NFIB: variants seen among roughly 807,000 people sequenced by gnomAD.
NFIB encodes nuclear factor I B, also known as nuclear factor 1 B-type.
Under a neutral mutation model 61.5 loss-of-function variants are expected in NFIB, and 11 were observed. The ratio of observed to expected loss-of-function variants is 0.18; its 90% CI spans 0.11 to 0.30. The LOEUF (loss-of-function observed/expected upper bound fraction) is 0.30. Among genes scored for constraint, NFIB ranks in the 10% least tolerant of loss-of-function variants. NFIB has a pLI of 1.00. For synonymous variants in NFIB, 260 were observed against 216.5 expected (o/e 1.20, Z -1.76); for missense variants, 471 against 608.9 (o/e 0.77, Z 2.38).
chr9:14,459,650 T>A, the NFIB span, among the ~76,000 whole-genome samples: 1 of 151,814 alleles, frequency 6.6e-6, no homozygotes, highest in Non-Finnish European at 1.5e-5. Flanking sequence ...GAATCTACAA[T>A]GAACTCAAAC....
At chr9:14,218,580 CA>C (rs771833460) in intron 2 of NFIB, among the ~76,000 whole-genome samples, 14 of 152,172 alleles carry the variant, frequency 9.2e-5, no homozygotes, top group Non-Finnish European at 1.9e-4. Context: ...GTCACCCAAT[CA>C]ATGAACAAAT....
chr9:14,464,813 G>A, the NFIB span, among the ~76,000 whole-genome samples: 34,349 of 151,980 alleles, frequency 0.23, 4,244 homozygotes, highest in African/African-American at 0.33. Context: ...CTGGCTGAGC[G>A]ACCTTGTGAA....
At chr9:14,385,350 T>C (rs192197985) in intron 1 of NFIB, among the ~76,000 whole-genome samples, 44 of 152,298 alleles carry the variant, frequency 2.9e-4, no homozygotes, top group Non-Finnish European at 4.9e-4. Context: ...ACTGCCTTCT[T>C]CTAACTATTA....
In NFIB at chr9:14,313,752, T is replaced by C. The variant is rs965985322; in HGVS notation, c.-241A>G. 4.0e-5 allele frequency: 55 copies of C among 1,362,174 alleles called. No homozygotes were observed. Among genetic ancestry groups the C allele is most frequent in the Non-Finnish European group, 5.2e-5 (55 of 1,058,634 alleles). 84.4% of individuals were successfully genotyped at this position (1,362,174 alleles called of 1,614,324 possible). ...ATCCAATCTACACTTTTAACCCTCTTGCAGTCCGAGCGCGCTGGCCGTGCT... is the reference window on the plus strand; with the variant it reads ...ATCCAATCTACACTTTTAACCCTCTCGCAGTCCGAGCGCGCTGGCCGTGCT... On this transcript the variant is annotated 5_prime_UTR_variant, in exon 1 of 11. Transcript: ENST00000380953. The surrounding 1 kb of genome is among the most constrained non-coding windows in gnomAD (Gnocchi z 4.5).
the NFIB span, among the ~76,000 whole-genome samples, chr9:14,513,440 C>A: frequency 6.6e-6 from 1 of 151,702 alleles, no homozygotes; most frequent in Non-Finnish European, 1.5e-5. Flanking sequence ...TCAGCCTAAC[C>A]AACATGGTGA....
At position 14,237,762 on chromosome 9, in the gene NFIB, C is replaced by CTGTGTGTGTGTGTGTG. The variant is rs1563932366; in HGVS notation, c.563-57983_563-57982insCACACACACACACACA. On this transcript the variant is annotated intron_variant, in intron 2 of 10. Coordinates refer to ENST00000380953, the MANE Select transcript of NFIB (RefSeq NM_001190737.2). The stretch of plus-strand genomic sequence containing the variant: ...AAGCTCCTCACCCTGCTAGGTATAA[C>CTGTGTGTGTGTGTGTG]AGTGTGTGTGTGTGTGTGTGTGTGT... Among the ~76,000 whole-genome samples the CTGTGTGTGTGTGTGTG allele has an allele frequency of 3.8e-5, 4 of 105,810 alleles. 1 individual carries two copies. The highest frequency in any genetic ancestry group is 1.2e-4 in the African/African-American group (3 of 24,308). 69.4% of individuals were successfully genotyped at this position (105,810 alleles called of 152,430 possible).
chr9:14,159,408 C>T (rs2043873657), intron 3 of NFIB, among the ~76,000 whole-genome samples: 1 of 152,144 alleles, frequency 6.6e-6, no homozygotes, highest in African/African-American at 2.4e-5. Flanking sequence ...CCACTGGGCT[C>T]TACTCCTGCA....
At chr9:14,096,722 C>G (rs541347648) in intron 10 of NFIB, 1 of 152,280 alleles carries the variant, frequency 6.6e-6, no homozygotes, top group African/African-American at 2.4e-5. Context: ...AAACAAACAG[C>G]CTTCTTCACG....
At chr9:14,269,078 C>CT (rs111709351) in intron 2 of NFIB, among the ~76,000 whole-genome samples, 13,415 of 148,126 alleles carry the variant, frequency 0.091, 734 homozygotes, top group East Asian at 0.22. Flanking sequence ...ACATTTTAAA[C>CT]TTTTTTTTTT....
the NFIB span, among the ~76,000 whole-genome samples, chr9:14,523,740 G>A: frequency 1.3e-5 from 2 of 152,078 alleles, no homozygotes; most frequent in Admixed American, 6.6e-5. Flanking sequence ...CAGTCAGTCC[G>A]ATAAAAGAAT....
In NFIB at chr9:14,350,615, C is replaced by G. The variant is rs1019069856; in HGVS notation, c.109-43095G>C. ...ACACGACCTCCTCTTTAGGGAGGGA[C>G]AACAGGGGCTTTAGGGGGAGATGTA... On this transcript the variant is annotated intron_variant, in intron 1 of 8. Transcript: ENST00000380934. 2.0e-5 allele frequency among the ~76,000 whole-genome samples: 3 copies of G among 152,144 alleles called. No homozygotes were observed. The South Asian group carries it at 6.2e-4, about 32-fold the overall frequency.
At chr9:14,455,535 A>G in the NFIB span, among the ~76,000 whole-genome samples, 2 of 152,164 alleles carry the variant, frequency 1.3e-5, no homozygotes, top group African/African-American at 4.8e-5. Flanking sequence ...AGATGAAAAC[A>G]AAACTTGTGG....
chr9:14,092,479 A>G (rs752006452), intron 10 of NFIB, among the ~76,000 whole-genome samples: 2 of 152,060 alleles, frequency 1.3e-5, no homozygotes, highest in Non-Finnish European at 2.9e-5. Context: ...CTTAGCCCTC[A>G]GTTATGACTC....
At chr9:14,216,196 A>C (rs2131774567) in intron 2 of NFIB, among the ~76,000 whole-genome samples, 1 of 152,300 alleles carries the variant, frequency 6.6e-6, no homozygotes, top group South Asian at 2.1e-4. Flanking sequence ...TTCTTTGTGT[A>C]CTTTCCTAAA....
chr9:14,370,106 C>T (rs1381413872), intron 1 of NFIB, among the ~76,000 whole-genome samples: 2 of 152,150 alleles, frequency 1.3e-5, no homozygotes, highest in African/African-American at 4.8e-5. Context: ...GACTTTGTGC[C>T]TCCCTTCAAG....
At chr9:14,424,389 G>A in the NFIB span, among the ~76,000 whole-genome samples, 1 of 152,082 alleles carries the variant, frequency 6.6e-6, no homozygotes, top group East Asian at 1.9e-4. Context: ...ATAGCATATT[G>A]GAATTCACAG....
Position 14,113,109 on chromosome 9 carries a change from T to A in NFIB, c.1385-28A>T. On this transcript the variant is annotated intron_variant, in intron 9 of 10. Transcript: ENST00000380953. ...GATTAAGGAAGAACAAAAACAAAGA[T>A]AAAAATTGTGAACTATCAGAACGAA... 1.3e-6 allele frequency: 2 copies of A among 1,542,172 alleles called. No homozygotes were observed. Among genetic ancestry groups the A allele is most frequent in the Non-Finnish European group, 1.8e-6 (2 of 1,142,820 alleles).
chr9:14,283,160 G>C (rs2058489302), intron 2 of NFIB, among the ~76,000 whole-genome samples: 1 of 152,160 alleles, frequency 6.6e-6, no homozygotes, highest in Non-Finnish European at 1.5e-5. Context: ...CATTTTTAAA[G>C]AGATTAACAT....
At chr9:14,449,668 A>T in the NFIB span, among the ~76,000 whole-genome samples, 1 of 152,090 alleles carries the variant, frequency 6.6e-6, no homozygotes, top group South Asian at 2.1e-4. Context: ...AGTGGCTTAC[A>T]CCTGTAATCC....
Sources: allele counts gnomAD v4.1 joint callset (sites outside exome capture counted in the v4.1 genomes callset), GRCh38; gene constraint gnomAD v4.1.1; non-coding constraint Gnocchi (gnomAD v3.1); transcripts MANE v1.5; gene names NCBI Gene and HGNC (gene_info 2026-07-23, HGNC 2026-07-21).